The following UBE2L3 variants were observed in gnomAD, a reference collection of about 807,000 sequenced individuals.
UBE2L3 encodes ubiquitin-conjugating enzyme E2 L3.
UBE2L3 carries 1 observed loss-of-function variant against 17.8 expected under a neutral mutation model. That is an observed-to-expected ratio of 0.06 (90% CI 0.02 to 0.27). The LOEUF (loss-of-function observed/expected upper bound fraction) is 0.27. Ranked by LOEUF, UBE2L3 falls within the 10% of genes least tolerant of loss-of-function variation. The pLI, the probability that UBE2L3 is intolerant of heterozygous loss-of-function variation, is 1.00. For synonymous variants in UBE2L3, 44 were observed against 68.5 expected (o/e 0.64, Z 1.76); for missense variants, 40 against 192.6 (o/e 0.21, Z 4.69).
chr22:21,609,091 G>A (rs1336951349), intron 2 of UBE2L3, among the ~76,000 whole-genome samples: 1 of 151,634 alleles, frequency 6.6e-6, no homozygotes, highest in South Asian at 2.1e-4. Context: ...TAGAGACGGG[G>A]TTTCACTGTG....
chr22:21,577,902 G>A (rs1031020151), intron 1 of UBE2L3, among the ~76,000 whole-genome samples: 1 of 152,154 alleles, frequency 6.6e-6, no homozygotes, highest in Non-Finnish European at 1.5e-5. Context: ...ATGTCAAAGG[G>A]CTCATGGGCT....
rs1568976512 is a variant in UBE2L3, at chr22:21,585,565, A to G, written c.28-7296A>G. Among the ~76,000 whole-genome samples the G allele has an allele frequency of 6.6e-5, 10 of 152,276 alleles. 1 individual carries two copies. In the East Asian group the frequency reaches 1.9e-3, roughly 29 times the overall value. The stretch of plus-strand genomic sequence containing the variant: ...TTCTTGATCCAGCCTCTGTTTATCC[A>G]TTTTGTACAGAAACATTGTAGTGGC... On this transcript the variant is annotated intron_variant, in intron 1 of 3. Transcript: ENST00000342192.
chr22:21,589,142 A>ATTTTT (rs768593270), intron 1 of UBE2L3, among the ~76,000 whole-genome samples: 18 of 111,704 alleles, frequency 1.6e-4, no homozygotes, highest in East Asian at 5.3e-4. Context: ...CATGATTGGA[A>ATTTTT]TTTTTTTTTT....
chr22:21,584,118 G>T (rs1031000367), intron 1 of UBE2L3, among the ~76,000 whole-genome samples: 1 of 151,464 alleles, frequency 6.6e-6, no homozygotes, highest in Non-Finnish European at 1.5e-5. Flanking sequence ...CAGGTGATCC[G>T]CCCGCCTTGG....
chr22:21,574,081 T>A (rs1407808400), intron 1 of UBE2L3, among the ~76,000 whole-genome samples: 1 of 152,166 alleles, frequency 6.6e-6, no homozygotes, highest in Non-Finnish European at 1.5e-5. Context: ...GGCATGCCAC[T>A]CACTCAGAAA....
chr22:21,592,742 C>A, intron 1 of UBE2L3, 119 bp from the exon 2 acceptor site: 1 of 782,278 alleles, frequency 1.3e-6, no homozygotes, highest in South Asian at 1.6e-5. Context: ...TTAGTCCTCA[C>A]TGTCCAATTT....
rs889018308 is a variant in UBE2L3 at position 21,567,903 on chromosome 22, G to C, written c.27+132G>C. The C allele has an allele frequency of 4.0e-6, 6 of 1,515,330 alleles. No homozygotes were observed. The Admixed American group carries it at 1.1e-4, about 28-fold the overall frequency. 93.9% of individuals were successfully genotyped at this position (1,515,330 alleles called of 1,614,324 possible). A position where few individuals can be genotyped will look rare whatever the true frequency, so the allele number is the denominator to read the frequency against. On this transcript the variant is annotated intron_variant, in intron 1 of 3. Transcript: ENST00000342192. ...CTACACGGCCTCGTCGGTTCCCTGG[G>C]CCGCGCGCAGGCTCAAGGTGCTAAC... is the stretch of plus-strand genomic sequence containing the variant.
intron 1 of UBE2L3, among the ~76,000 whole-genome samples, chr22:21,579,913 G>T (rs1303712603): frequency 6.6e-6 from 1 of 152,234 alleles, no homozygotes; most frequent in Non-Finnish European, 1.5e-5. Context: ...GCAGGTTTAT[G>T]TAACTTTCCT....
At chr22:21,607,821 G>A (rs1042112792) in intron 2 of UBE2L3, among the ~76,000 whole-genome samples, 1 of 152,190 alleles carries the variant, frequency 6.6e-6, no homozygotes, top group Admixed American at 6.5e-5. Context: ...CACCTGTTGA[G>A]TGACCAGCTC....
At chr22:21,582,309 C>T (rs1029292053) in intron 1 of UBE2L3, among the ~76,000 whole-genome samples, 1 of 150,702 alleles carries the variant, frequency 6.6e-6, no homozygotes, top group Non-Finnish European at 1.5e-5. Context: ...CAGTTTTTTC[C>T]TTGCCAAGAA....
chr22:21,577,021 T>G (rs948430376), intron 1 of UBE2L3, among the ~76,000 whole-genome samples: 4 of 146,914 alleles, frequency 2.7e-5, no homozygotes, highest in Non-Finnish European at 5.9e-5. Context: ...CAGGCTGGAG[T>G]GCAGTGGTAC....
chr22:21,611,361 G>C (rs1216916085), intron 3 of UBE2L3, among the ~76,000 whole-genome samples: 3 of 152,210 alleles, frequency 2.0e-5, no homozygotes, highest in Non-Finnish European at 2.9e-5. Flanking sequence ...ATGAAGGACT[G>C]TGGGGCTGCC....
intron 1 of UBE2L3, among the ~76,000 whole-genome samples, chr22:21,558,468 T>C (rs1926316698): frequency 6.6e-6 from 1 of 152,172 alleles, no homozygotes; most frequent in Non-Finnish European, 1.5e-5. Flanking sequence ...CCGTCTCTAC[T>C]AAAAATACAA....
At chr22:21,612,643 C>CTTTTCTTTTTTTTTTTTT (rs1929552765) in intron 3 of UBE2L3, among the ~76,000 whole-genome samples, 8 of 52,476 alleles carry the variant, frequency 1.5e-4, no homozygotes, top group Non-Finnish European at 2.6e-4. Flanking sequence ...CTTTTCTTTT[C>CTTTTCTTTTTTTTTTTTT]TTTTTTTTTT....
intron 2 of UBE2L3, among the ~76,000 whole-genome samples, chr22:21,603,019 G>T (rs985685739): frequency 6.6e-6 from 1 of 152,136 alleles, no homozygotes; most frequent in East Asian, 1.9e-4. Context: ...CAGGAGGGGC[G>T]GAATATGGGC....
intron 1 of UBE2L3, among the ~76,000 whole-genome samples, chr22:21,558,499 C>A (rs1182378212): frequency 1.3e-5 from 2 of 152,230 alleles, no homozygotes; most frequent in African/African-American, 4.8e-5. Flanking sequence ...GGTGTGGTGG[C>A]GGGCGCCTGT....
intron 1 of UBE2L3, among the ~76,000 whole-genome samples, chr22:21,588,282 A>G (rs751969443): frequency 3.3e-5 from 5 of 151,992 alleles, no homozygotes; most frequent in Admixed American, 1.3e-4. Flanking sequence ...ACTTCTTGGA[A>G]TTTACATTGG....
intron 3 of UBE2L3, among the ~76,000 whole-genome samples, chr22:21,614,350 G>T (rs568453480): frequency 6.6e-6 from 1 of 152,192 alleles, no homozygotes; most frequent in South Asian, 2.1e-4. Context: ...AGCATTTTGG[G>T]AGGCTGGGGC....
At chr22:21,564,666 C>A (rs545133810), upstream of UBE2L3, among the ~76,000 whole-genome samples, 2 of 152,298 alleles carry the variant, frequency 1.3e-5, no homozygotes, top group South Asian at 4.1e-4. Context: ...TCTGATGATC[C>A]CACTCTGTAT....
Sources: gnomAD v4.1 joint callset for allele counts (sites outside exome capture counted in the v4.1 genomes callset) on GRCh38, gnomAD v4.1.1 for gene constraint, MANE v1.5 for transcripts, NCBI Gene and HGNC (gene_info 2026-07-23, HGNC 2026-07-21) for gene names.